HAUS4: variants seen among roughly 807,000 people sequenced by gnomAD.
HAUS4 encodes HAUS augmin-like complex subunit 4.
Under a neutral mutation model 50.6 loss-of-function variants are expected in HAUS4, and 34 were observed. That is an observed-to-expected ratio of 0.67 (90% CI 0.51 to 0.90). HAUS4 has a LOEUF of 0.90. Among genes scored for constraint, HAUS4 ranks in the 40% least tolerant of loss-of-function variants. HAUS4 has a pLI of 0.00. For missense variants in HAUS4, 370 were observed against 428.7 expected (o/e 0.86, Z 1.21); for synonymous variants, 149 against 161.4 (o/e 0.92, Z 0.58).
rs761831979 is a variant in HAUS4, at chr14:22,955,191, AG to A, written c.-22-16del. Reference sequence around the variant, plus strand: ...GGGATTCTAATCTGTGGAACCAAGAAGTGAAAGAAAACAAAAAGATGAATAA... The same window carrying A: ...GGGATTCTAATCTGTGGAACCAAGAATGAAAGAAAACAAAAAGATGAATAA... On this transcript the variant is annotated splice_polypyrimidine_tract_variant and intron_variant, in intron 1 of 9. Transcript: ENST00000541587. 3 of 1,505,280 alleles carry A rather than the reference AG, an allele frequency of 2.0e-6. No homozygotes were observed. Among genetic ancestry groups the A allele is most frequent in the Non-Finnish European group, 2.8e-6 (3 of 1,080,600 alleles). 93.2% of individuals were successfully genotyped at this position (1,505,280 alleles called of 1,614,324 possible). A position where few individuals can be genotyped will look rare whatever the true frequency, so the allele number is the denominator to read the frequency against.
chr14:22,951,677 G>A lies in HAUS4; in HGVS notation c.343C>T (p.Leu115Phe). Residue 115 changes from leucine to phenylalanine, a missense_variant, in exon 5 of 10, where the codon CTT becomes TTT. Physicochemically the swap from Leu to Phe is conservative, Grantham distance 22. Transcript: ENST00000541587. Reference protein sequence around the residue: ...TSEDKKFHETLEQRLLVTELM... With the variant: ...TSEDKKFHETFEQRLLVTELM... ...TCAGTTACAAGCAGCCGCTGTTCAA[G>A]GGTCTCATGAAACTGAGAGAGAGAG... 2.5e-6 allele frequency: 4 copies of A among 1,605,656 alleles called. No individual in the cohort carries two copies. The highest frequency in any genetic ancestry group is 3.4e-6 in the Non-Finnish European group (4 of 1,177,116).
chr14:22,946,761 T>C (rs1317240428), intron 9 of HAUS4, 53 bp from the exon 10 acceptor site: 9 of 1,280,244 alleles, frequency 7.0e-6, no homozygotes, highest in African/African-American at 4.6e-5. Flanking sequence ...CCTCAGAAAG[T>C]AGTGGACAAA....
Position 22,950,415 on chromosome 14 carries a change from A to G in HAUS4, c.466-5T>C. 1.3e-6 allele frequency: 2 copies of G among 1,580,384 alleles called. No homozygotes were observed. Among genetic ancestry groups the G allele is most frequent in the Non-Finnish European group, 1.7e-6 (2 of 1,149,482 alleles). On this transcript the variant is annotated splice_region_variant and splice_polypyrimidine_tract_variant and intron_variant, in intron 5 of 9. Transcript: ENST00000541587. ...AGCCCTCATCCACACAAAATCCTACAGTCATAGAAGTAAAGGCAGAAATGC... is the reference window on the plus strand; with the variant it reads ...AGCCCTCATCCACACAAAATCCTACGGTCATAGAAGTAAAGGCAGAAATGC...
rs377317519 is a variant in HAUS4 at position 22,954,011 on chromosome 14, G to A, written c.55+1089C>T. Among the ~76,000 whole-genome samples, 75 of 151,574 alleles carry A rather than the reference G, an allele frequency of 4.9e-4. No homozygotes were observed. In the East Asian group the frequency reaches 5.5e-3, roughly 11 times the overall value. On this transcript the variant is annotated intron_variant, in intron 2 of 9. Transcript: ENST00000541587. ...TCAAACTCCCAACCTCAGGTGATCC[G>A]CCCGCCTTGGCCTCCCAAAGTGCTG... is the stretch of plus-strand genomic sequence containing the variant.
chr14:22,949,152 C>T (rs1272594798), intron 6 of HAUS4, among the ~76,000 whole-genome samples: 2 of 98,550 alleles, frequency 2.0e-5, no homozygotes, highest in African/African-American at 3.8e-5. Context: ...AATGAAACTC[C>T]GTCTCAAAAA....
chr14:22,955,231 C>T, intron 1 of HAUS4, 55 bp from the exon 2 acceptor site: 1 of 1,023,186 alleles, frequency 9.8e-7, no homozygotes, highest in Admixed American at 1.7e-5. Context: ...GCTGGCTGCT[C>T]CAAGGACACT....
intron 6 of HAUS4, among the ~76,000 whole-genome samples, chr14:22,949,113 C>T (rs1210061849): frequency 3.4e-5 from 5 of 147,088 alleles, no homozygotes; most frequent in Non-Finnish European, 5.9e-5. Flanking sequence ...GCTGAGATCA[C>T]GCCATTGCAC....
chr14:22,952,205 A>G, intron 4 of HAUS4, 123 bp downstream of exon 4: 1 of 725,038 alleles, frequency 1.4e-6, no homozygotes, highest in Non-Finnish European at 2.3e-6. Context: ...TTTAGTAGAG[A>G]CGGGGTCTTA....
chr14:22,950,379 T>C lies in HAUS4; in HGVS notation c.497A>G (p.Gln166Arg), dbSNP rs768263199. The C allele has an allele frequency of 2.5e-6, 4 of 1,613,006 alleles. No individual in the cohort carries two copies. The East Asian group carries it at 6.7e-5, about 27-fold the overall frequency. ...CTTTTTGAGCTGCTCCTCTACTTCT[T>C]GCTGTAGCCGAGCCCTCATCCACAC... ...DFVWMRARLQ[Q>R]EVEEQLKKKC... is the part of the protein sequence containing the mutation. Residue 166 changes from glutamine (Q) to arginine (R), a missense_variant, in exon 6 of 10, where the codon CAA (glutamine) becomes CGA (arginine). Transcript: ENST00000541587.
In HAUS4 at chr14:22,953,905, C is replaced by T. The variant is rs527762818; in HGVS notation, c.55+1195G>A. ...TCGGCTTCCCAAAGTGCTAGGATTA[C>T]AGGTGTGAGCCACCGTGCCCAGCCT... On this transcript the variant is annotated intron_variant, in intron 2 of 9. Transcript: ENST00000541587. 9.9e-5 allele frequency among the ~76,000 whole-genome samples: 15 copies of T among 151,832 alleles called. No individual in the cohort carries two copies. The South Asian group carries it at 1.2e-3, about 13-fold the overall frequency.
rs74039806 is a variant in HAUS4, at chr14:22,947,376, G to A, written c.840-137C>T. 1,774 of 745,626 alleles carry A rather than the reference G, an allele frequency of 2.4e-3. 15 individuals carry two copies. The African/African-American group carries it at 0.028, about 12-fold the overall frequency. 46.2% of individuals were successfully genotyped at this position (745,626 alleles called of 1,614,324 possible). A position where few individuals can be genotyped will look rare whatever the true frequency, so the allele number is the denominator to read the frequency against. On this transcript the variant is annotated intron_variant, in intron 8 of 9. Coordinates refer to ENST00000541587, the MANE Select transcript of HAUS4 (RefSeq NM_001166269.2). ...ATAAACAAGGTCACTCTGAATTCCC[G>A]AGCAATTGATCTCACAGTAAAGTGC...
chr14:22,947,780 A>G, intron 7 of HAUS4, 49 bp from the exon 8 acceptor site: 1 of 1,612,398 alleles, frequency 6.2e-7, no homozygotes, highest in Non-Finnish European at 8.5e-7. Context: ...GATAGTAGAA[A>G]GGAGGGTAGA....
intron 6 of HAUS4, among the ~76,000 whole-genome samples, chr14:22,948,966 C>T (rs889491222): frequency 1.3e-5 from 2 of 150,604 alleles, no homozygotes; most frequent in African/African-American, 4.9e-5. Context: ...ACCATCCTGG[C>T]CAACATGGTG....
Position 22,952,682 on chromosome 14 carries a change from C to T in HAUS4, c.57G>A (p.Val19=). The change falls in exon 3 of 10, where the codon GTG becomes GTA. Residue 19 remains valine, a splice_region_variant and synonymous_variant. Coordinates refer to ENST00000541587, the MANE Select transcript of HAUS4 (RefSeq NM_001166269.2). ...PGEGMEILQQ[V]CSKQLPPCNL... The stretch of plus-strand genomic sequence containing the variant: ...TACAAGGAGGAAGTTGTTTGCTGCA[C>T]ACTTAACATCATGTCCCCACAGGTA... 1 of 1,594,480 alleles carries T rather than the reference C, an allele frequency of 6.3e-7. No individual in the cohort carries two copies. The highest frequency in any genetic ancestry group is 1.8e-5 in the Admixed American group (1 of 54,444).
chr14:22,953,178 C>A (rs2044789247), intron 2 of HAUS4, among the ~76,000 whole-genome samples: 1 of 151,796 alleles, frequency 6.6e-6, no homozygotes, highest in Non-Finnish European at 1.5e-5. Flanking sequence ...GAGACAGGGT[C>A]TCACTCTGTC....
intron 2 of HAUS4, among the ~76,000 whole-genome samples, chr14:22,953,140 A>G (rs2044788019): frequency 6.6e-6 from 1 of 152,140 alleles, no homozygotes; most frequent in South Asian, 2.1e-4. Context: ...TTAAACGTTC[A>G]ACTAACCAAT....
chr14:22,951,909 T>C (rs750036834), intron 4 of HAUS4, among the ~76,000 whole-genome samples: 4 of 152,216 alleles, frequency 2.6e-5, no homozygotes, highest in Non-Finnish European at 5.9e-5. Context: ...CATTTCTCTT[T>C]TGACAAACCA....
chr14:22,951,629 T>C lies in HAUS4; in HGVS notation c.391A>G (p.Ser131Gly). Residue 131 changes from serine to glycine, a missense_variant, in exon 5 of 10, where the codon AGC (serine) becomes GGC (glycine). Ser to Gly is a moderately conservative substitution (Grantham distance 56). Coordinates refer to ENST00000541587, the MANE Select transcript of HAUS4 (RefSeq NM_001166269.2). Reference protein sequence around the residue: ...VTELMRLLGPSQEREIPPLLG... With the variant: ...VTELMRLLGPGQEREIPPLLG... ...AGTGGAGGTATCTCCCTCTCCTGGC[T>C]AGGACCTAAGAGCCGCATCAGTTCA... The C allele has an allele frequency of 1.9e-6, 3 of 1,614,008 alleles. No homozygotes were observed. The highest frequency in any genetic ancestry group is 2.5e-6 in the Non-Finnish European group (3 of 1,179,882).
chr14:22,951,626 G>T lies in HAUS4; in HGVS notation c.394C>A (p.Gln132Lys). The change falls in exon 5 of 10, where the codon CAG (glutamine) becomes AAG (lysine). Residue 132 changes from glutamine (Q) to lysine (K), a missense_variant. By Grantham distance (53) the Gln-to-Lys change is moderately conservative. Transcript: ENST00000541587. ...TELMRLLGPS[Q>K]EREIPPLLGL... is the part of the protein sequence containing the mutation. ...AGCAGTGGAGGTATCTCCCTCTCCT[G>T]GCTAGGACCTAAGAGCCGCATCAGT... 2 of 1,614,014 alleles carry T rather than the reference G, an allele frequency of 1.2e-6. No individual in the cohort carries two copies. The highest frequency in any genetic ancestry group is 1.1e-5 in the South Asian group (1 of 91,080).
Sources: allele counts gnomAD v4.1 joint callset (sites outside exome capture counted in the v4.1 genomes callset), GRCh38; gene constraint gnomAD v4.1.1; transcripts MANE v1.5; gene names NCBI Gene and HGNC (gene_info 2026-07-23, HGNC 2026-07-21).